ZNF454: variants seen among roughly 807,000 people sequenced by gnomAD.
The protein encoded by ZNF454 is zinc finger protein 454.
Under a neutral mutation model 48.2 loss-of-function variants are expected in ZNF454, and 30 were observed. That is an observed-to-expected ratio of 0.62 (90% CI 0.47 to 0.84). ZNF454 has a LOEUF of 0.84. Among genes scored for constraint, ZNF454 ranks in the 40% least tolerant of loss-of-function variants. ZNF454 has a pLI of 0.00. For synonymous variants in ZNF454, 204 were observed against 211.4 expected, an observed-to-expected ratio of 0.97 and a Z score of 0.30; for missense variants, 510 against 623.1, an observed-to-expected ratio of 0.82 and a Z score of 1.93.
chr5:178,972,474 G>A, the ZNF454 span, among the ~76,000 whole-genome samples: 2 of 152,210 alleles, frequency 1.3e-5, no homozygotes, highest in Admixed American at 6.5e-5. Context: ...AGTCGGTGCT[G>A]CCTGGCATTG....
the ZNF454 span, chr5:178,985,339 G>A: frequency 6.7e-6 from 3 of 446,266 alleles, no homozygotes; most frequent in East Asian, 7.2e-5. Context: ...GGACCCAGCA[G>A]GGGAGATGGC....
intron 4 of ZNF454, among the ~76,000 whole-genome samples, chr5:178,958,339 T>C (rs556561708): frequency 5.9e-5 from 9 of 152,344 alleles, no homozygotes; most frequent in African/African-American, 1.9e-4. Context: ...AAACTTTAAA[T>C]CATACAGTAT....
rs1561709883 is a variant in ZNF454, at chr5:178,966,176, A to ATCTTTGGGAGC, written c.*204_*214dup. ...CTGGGCACAGTGGCTCACGTCTGTAATCTTTGGGAGCACTTTGGGAGGCCG... is the reference window on the plus strand; with the variant it reads ...CTGGGCACAGTGGCTCACGTCTGTAATCTTTGGGAGCTCTTTGGGAGCACTTTGGGAGGCCG... On this transcript the variant is annotated 3_prime_UTR_variant, in exon 5 of 5. Coordinates refer to ENST00000519564, the MANE Select transcript of ZNF454 (RefSeq NM_001178089.3). The ATCTTTGGGAGC allele has an allele frequency of 2.1e-6, 1 of 471,828 alleles. No homozygotes were observed. The highest frequency in any genetic ancestry group is 1.9e-5 in the African/African-American group (1 of 51,344). The allele number at this position is 471,828 out of a possible 1,614,324, so 29.2% of individuals were successfully genotyped here.
At chr5:178,977,447 CT>C in the ZNF454 span, 2 of 456,150 alleles carry the variant, frequency 4.4e-6, no homozygotes, top group African/African-American at 4.0e-5. Flanking sequence ...GCCTCCAGAA[CT>C]ATGAGAAATG....
At chr5:178,960,884 T>C (rs1307436078) in intron 4 of ZNF454, among the ~76,000 whole-genome samples, 1 of 151,654 alleles carries the variant, frequency 6.6e-6, no homozygotes, top group East Asian at 2.0e-4. Context: ...TGGTATTTCT[T>C]TTCTAAATGA....
At chr5:178,961,660 C>CA (rs1000142881) in intron 4 of ZNF454, among the ~76,000 whole-genome samples, 14 of 146,592 alleles carry the variant, frequency 9.6e-5, no homozygotes, top group Admixed American at 5.5e-4. Context: ...TAGTAAAACA[C>CA]AAAAAAAAAA....
chr5:178,972,251 A>C, the ZNF454 span, among the ~76,000 whole-genome samples: 1 of 152,176 alleles, frequency 6.6e-6, no homozygotes, highest in Non-Finnish European at 1.5e-5. Context: ...AATATACAGA[A>C]AAATTTTAAA....
chr5:178,958,158 TA>T (rs1232478248), intron 4 of ZNF454, among the ~76,000 whole-genome samples: 24 of 152,214 alleles, frequency 1.6e-4, no homozygotes, highest in African/African-American at 4.1e-4. Flanking sequence ...ACATAGATCA[TA>T]AATGTCCAAC....
downstream of ZNF454, among the ~76,000 whole-genome samples, chr5:178,970,184 G>C (rs939581727): frequency 1.8e-4 from 27 of 152,062 alleles, no homozygotes; most frequent in Non-Finnish European, 3.8e-4. Flanking sequence ...ATTAATCCAA[G>C]AACGCCATAG....
intron 4 of ZNF454, among the ~76,000 whole-genome samples, chr5:178,949,867 A>G (rs1297962819): frequency 1.3e-5 from 2 of 152,126 alleles, no homozygotes; most frequent in Non-Finnish European, 2.9e-5. Flanking sequence ...CGCCCACCTT[A>G]GCCTCCCAAA....
chr5:178,985,707 AAAAAAAAC>A, the ZNF454 span: 1 of 415,456 alleles, frequency 2.4e-6, no homozygotes, highest in Non-Finnish European at 4.7e-6. Flanking sequence ...TGTCTAAAAA[AAAAAAAAC>A]AAAACAACAC....
At chr5:178,986,156 T>A in the ZNF454 span, 30 of 1,613,662 alleles carry the variant, frequency 1.9e-5, no homozygotes, top group South Asian at 2.9e-4. Flanking sequence ...CTGAAGGTGA[T>A]GACCAGCTGT....
At chr5:178,968,283 A>T (rs1315400813), downstream of ZNF454, among the ~76,000 whole-genome samples, 4 of 152,156 alleles carry the variant, frequency 2.6e-5, no homozygotes, top group Non-Finnish European at 4.4e-5. Flanking sequence ...TGGTATGTGG[A>T]AGTGCTGTCC....
chr5:178,975,730 G>C, the ZNF454 span: 1 of 420,338 alleles, frequency 2.4e-6, no homozygotes, highest in Non-Finnish European at 5.0e-6. Flanking sequence ...GTGTCACCTG[G>C]CCAGGCTATG....
chr5:178,964,725 A>G lies in ZNF454; in HGVS notation c.321A>G (p.Gln107=). Residue 107 remains glutamine, a synonymous_variant, in exon 5 of 5, where the codon CAA becomes CAG. Transcript: ENST00000519564. ...KAEIPEEELD[Q]WTIKERFSSS... ...AGATTCCTGAAGAAGAATTGGATCA[A>G]TGGACAATAAAGGAAAGATTCAGTA... The G allele has an allele frequency of 6.2e-7, 1 of 1,614,244 alleles. No individual in the cohort carries two copies. Among genetic ancestry groups the G allele is most frequent in the Non-Finnish European group, 8.5e-7 (1 of 1,180,038 alleles).
At chr5:178,973,123 CT>C in the ZNF454 span, among the ~76,000 whole-genome samples, 1 of 150,974 alleles carries the variant, frequency 6.6e-6, no homozygotes, top group East Asian at 2.0e-4. Flanking sequence ...CTGTCTCTCT[CT>C]GTCTCTGTCC....
At chr5:178,982,578 A>AC in the ZNF454 span, among the ~76,000 whole-genome samples, 1 of 17,538 alleles carries the variant, frequency 5.7e-5, no homozygotes, top group Non-Finnish European at 1.2e-4. Context: ...CTCTGTCTCA[A>AC]AAAAAAAAAA....
At chr5:178,984,051 G>A in the ZNF454 span, among the ~76,000 whole-genome samples, 1 of 152,302 alleles carries the variant, frequency 6.6e-6, no homozygotes, top group South Asian at 2.1e-4. Flanking sequence ...GCAGCTTTTT[G>A]TGCTTCTCCC....
chr5:178,948,972 G>A (rs1169458051), intron 4 of ZNF454, among the ~76,000 whole-genome samples: 1 of 150,692 alleles, frequency 6.6e-6, no homozygotes, highest in Non-Finnish European at 1.5e-5. Flanking sequence ...GTGTAATCAT[G>A]GCTCACTGCA....
Sources: allele counts gnomAD v4.1 joint callset (sites outside exome capture counted in the v4.1 genomes callset), GRCh38; gene constraint gnomAD v4.1.1; transcripts MANE v1.5; gene names NCBI Gene and HGNC (gene_info 2026-07-23, HGNC 2026-07-21).